MRPL1: variants seen among roughly 807,000 people sequenced by gnomAD.
MRPL1 encodes the protein mitochondrial ribosomal protein L1.
MRPL1 carries 28 observed loss-of-function variants against 38.0 expected under a neutral mutation model. The ratio of observed to expected loss-of-function variants is 0.74; its 90% CI spans 0.55 to 1.01. MRPL1 has a LOEUF of 1.01. Ranked by LOEUF, MRPL1 falls within the 50% of genes least tolerant of loss-of-function variation. The probability of loss-of-function intolerance (pLI) is 0.00; values close to 1 mark genes in which losing one functional copy is unlikely to be tolerated. For missense variants in MRPL1, 358 were observed against 389.8 expected (o/e 0.92, Z 0.69); for synonymous variants, 123 against 126.7 (o/e 0.97, Z 0.20).
At chr4:77,916,755 T>G (rs1736432442) in intron 7 of MRPL1, among the ~76,000 whole-genome samples, 1 of 152,184 alleles carries the variant, frequency 6.6e-6, no homozygotes, top group South Asian at 2.1e-4. Context: ...TGTGTCCCGA[T>G]TTTTGCTATT....
rs1240483719 is a variant in MRPL1, at chr4:77,871,813, T to C, written c.101T>C (p.Val34Ala). 6 of 1,604,764 alleles carry C rather than the reference T, an allele frequency of 3.7e-6. No homozygotes were observed. Among genetic ancestry groups the C allele is most frequent in the Non-Finnish European group, 5.1e-6 (6 of 1,177,372 alleles). ...VYQTSLCSCS[V>A]NIRVPNRHFA... ...CAGACATCACTTTGTTCTTGTTCTG[T>C]AAACATCCGAGTGCCCAACAGACAT... The change falls in exon 2 of 9, where the codon GTA (valine) becomes GCA (alanine). Residue 34 changes from valine to alanine, a missense_variant. Coordinates refer to ENST00000315567, the MANE Select transcript of MRPL1 (RefSeq NM_020236.4).
At chr4:77,888,826 T>C (rs1735742792) in intron 5 of MRPL1, among the ~76,000 whole-genome samples, 2 of 152,160 alleles carry the variant, frequency 1.3e-5, no homozygotes, top group Non-Finnish European at 2.9e-5. Flanking sequence ...ACTCGTCATT[T>C]ACATTAGGTA....
intron 2 of MRPL1, among the ~76,000 whole-genome samples, chr4:77,878,694 A>G (rs966334278): frequency 3.9e-5 from 6 of 152,132 alleles, no homozygotes; most frequent in African/African-American, 7.2e-5. Context: ...CCTGGCCAAC[A>G]TGGTGAAACC....
intron 4 of MRPL1, among the ~76,000 whole-genome samples, chr4:77,886,180 C>A (rs994509530): frequency 3.3e-5 from 5 of 151,884 alleles, no homozygotes; most frequent in African/African-American, 1.2e-4. Flanking sequence ...GCATTCAGTT[C>A]TTTTTTGAGA....
At chr4:77,878,891 A>G (rs1173510928) in intron 2 of MRPL1, among the ~76,000 whole-genome samples, 2 of 152,118 alleles carry the variant, frequency 1.3e-5, no homozygotes, top group South Asian at 2.1e-4. Flanking sequence ...AACAAAAAAA[A>G]TCATATTTTA....
intron 7 of MRPL1, among the ~76,000 whole-genome samples, chr4:77,913,637 T>G (rs1736341201): frequency 6.6e-6 from 1 of 152,194 alleles, no homozygotes; most frequent in Admixed American, 6.5e-5. Context: ...TATTCCACTT[T>G]TAGATACTTA....
At chr4:77,878,556 G>C (rs990705946) in intron 2 of MRPL1, among the ~76,000 whole-genome samples, 1 of 152,096 alleles carries the variant, frequency 6.6e-6, no homozygotes, top group African/African-American at 2.4e-5. Context: ...AGGCCTTGAA[G>C]TGAACTTTAT....
At chr4:77,936,333 C>A in intron 7 of MRPL1, among the ~76,000 whole-genome samples, 1 of 151,866 alleles carries the variant, frequency 6.6e-6, no homozygotes, top group East Asian at 1.9e-4. Flanking sequence ...AACTTTATTT[C>A]TTTTGTTGGG....
chr4:77,948,215 G>A (rs903436675), intron 7 of MRPL1, among the ~76,000 whole-genome samples: 4 of 152,142 alleles, frequency 2.6e-5, no homozygotes, highest in Admixed American at 2.0e-4. Context: ...TTAGCGGGGG[G>A]TGTAGAATTG....
intron 7 of MRPL1, among the ~76,000 whole-genome samples, chr4:77,930,967 C>CT (rs544015849): frequency 6.6e-6 from 1 of 152,186 alleles, no homozygotes; most frequent in Non-Finnish European, 1.5e-5. Flanking sequence ...GCAGAAGACT[C>CT]TAAGACTGCC....
chr4:77,910,376 A>G (rs1213279630), intron 7 of MRPL1, among the ~76,000 whole-genome samples: 1 of 152,218 alleles, frequency 6.6e-6, no homozygotes, highest in Non-Finnish European at 1.5e-5. Context: ...TATAGCTAGT[A>G]GTCCAAGCTC....
chr4:77,917,743 G>A (rs1736453803), intron 7 of MRPL1, among the ~76,000 whole-genome samples: 1 of 152,074 alleles, frequency 6.6e-6, no homozygotes, highest in Non-Finnish European at 1.5e-5. Flanking sequence ...AGGAAAATGT[G>A]GTGAGTATAA....
intron 7 of MRPL1, among the ~76,000 whole-genome samples, chr4:77,916,763 A>G (rs887162761): frequency 2.6e-5 from 4 of 152,160 alleles, no homozygotes; most frequent in African/African-American, 4.8e-5. Flanking sequence ...GATTTTTGCT[A>G]TTGCAAATGA....
intron 2 of MRPL1, among the ~76,000 whole-genome samples, chr4:77,875,476 C>T (rs1470390808): frequency 1.3e-5 from 2 of 151,706 alleles, no homozygotes; most frequent in African/African-American, 4.8e-5. Context: ...TTGGTGAAAC[C>T]CTATCTCTAC....
intron 7 of MRPL1, among the ~76,000 whole-genome samples, chr4:77,922,282 T>G (rs570803799): frequency 1.3e-5 from 2 of 152,276 alleles, no homozygotes; most frequent in South Asian, 4.1e-4. Flanking sequence ...AAGGAAGGCG[T>G]TACATGCAGA....
At chr4:77,904,218 A>C in intron 6 of MRPL1, among the ~76,000 whole-genome samples, 1 of 151,644 alleles carries the variant, frequency 6.6e-6, no homozygotes, top group Non-Finnish European at 1.5e-5. Context: ...CTGCAGTCCA[A>C]CCTGTGACAA....
At chr4:77,917,006 A>G (rs970546278) in intron 7 of MRPL1, among the ~76,000 whole-genome samples, 1 of 152,224 alleles carries the variant, frequency 6.6e-6, no homozygotes, top group Non-Finnish European at 1.5e-5. Context: ...TCAGTTTGAA[A>G]GTTGATATAG....
At chr4:77,925,702 C>T (rs1736699804) in intron 7 of MRPL1, among the ~76,000 whole-genome samples, 1 of 150,118 alleles carries the variant, frequency 6.7e-6, no homozygotes, top group Non-Finnish European at 1.5e-5. Context: ...TGTGAATTTG[C>T]CTCTAATTAC....
At chr4:77,934,690 C>A (rs1044861283) in intron 7 of MRPL1, among the ~76,000 whole-genome samples, 3 of 152,184 alleles carry the variant, frequency 2.0e-5, no homozygotes, top group African/African-American at 7.2e-5. Context: ...TAGATACATA[C>A]TGAAAAGAAT....
Sources: allele counts gnomAD v4.1 joint callset (sites outside exome capture counted in the v4.1 genomes callset), GRCh38; gene constraint gnomAD v4.1.1; transcripts MANE v1.5; gene names NCBI Gene and HGNC (gene_info 2026-07-23, HGNC 2026-07-21).